The following MED27 variants were observed in gnomAD, a reference collection of about 807,000 sequenced individuals.
MED27 encodes mediator of RNA polymerase II transcription subunit 27.
MED27 carries 30 observed loss-of-function variants against 38.2 expected under a neutral mutation model. The ratio of observed to expected loss-of-function variants is 0.79; its 90% CI spans 0.59 to 1.07. MED27 has a LOEUF of 1.07. Ranked by LOEUF, MED27 falls within the 50% of genes least tolerant of loss-of-function variation. The pLI is 0.00. For synonymous variants in MED27, 122 were observed against 153.5 expected (o/e 0.79, Z 1.52); for missense variants, 289 against 397.5 (o/e 0.73, Z 2.32).
At chr9:132,007,038 G>A (rs1435119857) in intron 3 of MED27, among the ~76,000 whole-genome samples, 1 of 152,302 alleles carries the variant, frequency 6.6e-6, no homozygotes, top group Non-Finnish European at 1.5e-5. Flanking sequence ...CAGAAAATGA[G>A]CCTCTTTCAG....
chr9:131,955,070 G>A (rs536442459), intron 3 of MED27, among the ~76,000 whole-genome samples: 148 of 152,124 alleles, frequency 9.7e-4, no homozygotes, highest in African/African-American at 3.5e-3. Context: ...GCCGGGTCTC[G>A]AAACATGCAG....
chr9:131,914,643 G>C (rs181474890), intron 4 of MED27, among the ~76,000 whole-genome samples: 1 of 152,288 alleles, frequency 6.6e-6, no homozygotes, highest in South Asian at 2.1e-4. Flanking sequence ...GGTCACGTAG[G>C]GGCTTAGAGA....
At chr9:132,030,161 C>A (rs1009432026) in intron 2 of MED27, among the ~76,000 whole-genome samples, 1 of 152,198 alleles carries the variant, frequency 6.6e-6, no homozygotes, top group Non-Finnish European at 1.5e-5. Context: ...GGGCCTCTGC[C>A]CCCTCTTCAG....
intron 6 of MED27, among the ~76,000 whole-genome samples, chr9:131,866,732 G>A (rs186378422): frequency 9.8e-5 from 15 of 152,358 alleles, no homozygotes; most frequent in African/African-American, 3.4e-4. Context: ...GGGCAGAAGC[G>A]TGTGCTGGTC....
chr9:131,988,152 A>G (rs1831893027), intron 3 of MED27, among the ~76,000 whole-genome samples: 1 of 152,238 alleles, frequency 6.6e-6, no homozygotes, highest in Non-Finnish European at 1.5e-5. Context: ...AAAATTTCCT[A>G]TAGCATAGTG....
In MED27 at chr9:132,003,945, A is replaced by AC. The variant is rs1425151823; in HGVS notation, c.479+10391dup. Among the ~76,000 whole-genome samples the AC allele has an allele frequency of 6.6e-6, 1 of 152,122 alleles. No homozygotes were observed. Among genetic ancestry groups the AC allele is most frequent in the Non-Finnish European group, 1.5e-5 (1 of 68,026 alleles). On this transcript the variant is annotated intron_variant, in intron 3 of 7. Coordinates refer to ENST00000292035, the MANE Select transcript of MED27 (RefSeq NM_004269.4). This position sits in a 1 kb window ranked among gnomAD's most constrained non-coding sequence, Gnocchi z 4.2. ...AACATACATCTGGCCTGTGGAAAGT[A>AC]CATAAAGGCTTTCAGAGTGAACATA...
intron 3 of MED27, among the ~76,000 whole-genome samples, chr9:131,948,963 A>C (rs1830936277): frequency 6.6e-6 from 1 of 152,208 alleles, no homozygotes; most frequent in Non-Finnish European, 1.5e-5. Flanking sequence ...ATCAATGCAC[A>C]AGGGCCCAGC....
intron 6 of MED27, among the ~76,000 whole-genome samples, chr9:131,873,865 G>A (rs1239239184): frequency 6.6e-6 from 1 of 152,222 alleles, no homozygotes; most frequent in Non-Finnish European, 1.5e-5. Context: ...TATCAGATGT[G>A]GTTTGGTTTG....
Position 132,079,774 on chromosome 9 carries a change from A to G in MED27, c.71T>C (p.Leu24Pro). The change falls in exon 1 of 8, where the codon CTG (leucine) becomes CCG (proline). Residue 24 changes from leucine (L) to proline (P), a missense_variant. Leu to Pro is a moderately conservative substitution (Grantham distance 98, BLOSUM62 -3). Transcript: ENST00000292035. ...GAACACCCTGCTCACGCTGGAGCGCAGCGCCTGGATGGCACTAATGGCCTG... is the reference window on the plus strand; with the variant it reads ...GAACACCCTGCTCACGCTGGAGCGCGGCGCCTGGATGGCACTAATGGCCTG... Reference protein sequence around the residue: ...FSQAISAIQALRSSVSRVFDC... With the variant: ...FSQAISAIQAPRSSVSRVFDC... The G allele has an allele frequency of 6.2e-7, 1 of 1,614,140 alleles. No individual in the cohort carries two copies. Among genetic ancestry groups the G allele is most frequent in the Non-Finnish European group, 8.5e-7 (1 of 1,180,014 alleles).
chr9:131,932,590 C>T (rs1830611463), intron 4 of MED27, among the ~76,000 whole-genome samples: 1 of 151,536 alleles, frequency 6.6e-6, no homozygotes, highest in Non-Finnish European at 1.5e-5. Flanking sequence ...CCTGAACAGA[C>T]CAATATCAAG....
At chr9:131,915,378 C>G (rs545896694) in intron 4 of MED27, among the ~76,000 whole-genome samples, 6 of 152,236 alleles carry the variant, frequency 3.9e-5, no homozygotes, top group Middle Eastern at 3.4e-3. Context: ...TAGATGGATG[C>G]GCAGTGAAAT....
At chr9:132,002,788 G>A (rs535746312) in intron 3 of MED27, among the ~76,000 whole-genome samples, 4 of 151,790 alleles carry the variant, frequency 2.6e-5, no homozygotes, top group East Asian at 1.9e-4. Flanking sequence ...GGTGGTGCAC[G>A]CCTGTAATCC....
intron 3 of MED27, among the ~76,000 whole-genome samples, chr9:132,002,926 AAAG>A (rs1359282737): frequency 1.3e-5 from 2 of 151,182 alleles, no homozygotes; most frequent in Non-Finnish European, 1.5e-5. Context: ...CTCAAAAAAA[AAAG>A]AAAAAAGAAA....
intron 6 of MED27, among the ~76,000 whole-genome samples, chr9:131,870,894 C>T (rs541666058): frequency 1.3e-5 from 2 of 152,338 alleles, no homozygotes; most frequent in South Asian, 4.1e-4. Context: ...CCGGTGGGCC[C>T]TCAAGAAGAC....
At chr9:132,006,081 C>T (rs1421365673) in intron 3 of MED27, among the ~76,000 whole-genome samples, 3 of 152,086 alleles carry the variant, frequency 2.0e-5, no homozygotes, top group African/African-American at 4.8e-5. Flanking sequence ...TTAATACTTG[C>T]CAGTAGGGGA....
chr9:131,911,483 G>C (rs924868750), intron 4 of MED27, among the ~76,000 whole-genome samples: 15 of 152,142 alleles, frequency 9.9e-5, no homozygotes, highest in African/African-American at 3.6e-4. Context: ...ACCAAATAAG[G>C]GTTTGGAACA....
intron 5 of MED27, among the ~76,000 whole-genome samples, chr9:131,887,814 A>G (rs73551415): frequency 0.011 from 1,720 of 152,326 alleles, 31 homozygotes; most frequent in African/African-American, 0.039. Context: ...ATCTGAAAAC[A>G]CAAAAGTCAA....
chr9:132,024,728 C>T (rs1244404212), intron 2 of MED27, among the ~76,000 whole-genome samples: 1 of 152,196 alleles, frequency 6.6e-6, no homozygotes, highest in Non-Finnish European at 1.5e-5. Context: ...GGACAATCGT[C>T]TAAGGCCTGC....
At chr9:131,895,038 A>C (rs1400699347) in intron 4 of MED27, among the ~76,000 whole-genome samples, 1 of 152,156 alleles carries the variant, frequency 6.6e-6, no homozygotes, top group Non-Finnish European at 1.5e-5. Flanking sequence ...GCGGTGCAAC[A>C]CAAAAGCCCT....
Sources: allele counts gnomAD v4.1 joint callset (sites outside exome capture counted in the v4.1 genomes callset), GRCh38; gene constraint gnomAD v4.1.1; non-coding constraint Gnocchi (gnomAD v3.1); transcripts MANE v1.5; gene names NCBI Gene and HGNC (gene_info 2026-07-23, HGNC 2026-07-21).